Variants in ANAPC10 observed in about 807,000 individuals in gnomAD.
ANAPC10 encodes the protein anaphase promoting complex subunit 10, also known as anaphase-promoting complex subunit 10.
In ANAPC10, 12 loss-of-function variants were observed where a neutral mutation model predicts 22.0. The observed-to-expected ratio is 0.55, with a 90% CI of 0.35 to 0.88. The LOEUF is 0.88. ANAPC10 is among the 40% of genes least tolerant of loss of function. The pLI is 0.01. For synonymous variants in ANAPC10, 65 were observed against 69.5 expected (o/e 0.94, Z 0.32); for missense variants, 188 against 220.9 (o/e 0.85, Z 0.94).
At chr4:145,002,785 A>G (rs1732766067) in intron 4 of ANAPC10, among the ~76,000 whole-genome samples, 1 of 152,204 alleles carries the variant, frequency 6.6e-6, no homozygotes, top group South Asian at 2.1e-4. Flanking sequence ...AGTTACATAC[A>G]TATGTACATA....
chr4:145,059,129 G>A (rs995538391), intron 4 of ANAPC10, among the ~76,000 whole-genome samples: 2 of 151,954 alleles, frequency 1.3e-5, no homozygotes, highest in Non-Finnish European at 2.9e-5. Flanking sequence ...GTTTAAAATA[G>A]GCCCCTCATA....
At chr4:144,998,777 C>T (rs1732033399) in intron 4 of ANAPC10, among the ~76,000 whole-genome samples, 1 of 151,976 alleles carries the variant, frequency 6.6e-6, no homozygotes, top group Admixed American at 6.6e-5. Context: ...CAGAGCAGGA[C>T]TGAAGGAGAT....
At chr4:145,041,684 TAAG>T (rs1249509243) in intron 4 of ANAPC10, among the ~76,000 whole-genome samples, 3 of 152,210 alleles carry the variant, frequency 2.0e-5, no homozygotes, top group Non-Finnish European at 2.9e-5. Context: ...AGACAACTAA[TAAG>T]AAGCAAATTG....
At chr4:145,085,635 G>A (rs900145301) in intron 2 of ANAPC10, among the ~76,000 whole-genome samples, 1 of 151,940 alleles carries the variant, frequency 6.6e-6, no homozygotes, top group Non-Finnish European at 1.5e-5. Flanking sequence ...TTTAAAATTT[G>A]TCTCTAATTT....
At chr4:145,023,174 A>G (rs1161154323) in intron 4 of ANAPC10, among the ~76,000 whole-genome samples, 1 of 152,200 alleles carries the variant, frequency 6.6e-6, no homozygotes, top group Non-Finnish European at 1.5e-5. Flanking sequence ...AAAAGAAGCC[A>G]GACACAAAAG....
chr4:145,050,355 T>C (rs897405966), intron 4 of ANAPC10, among the ~76,000 whole-genome samples: 24 of 152,334 alleles, frequency 1.6e-4, no homozygotes, highest in African/African-American at 5.8e-4. Context: ...TGTGCTGTCA[T>C]CCAGGCTTTG....
chr4:145,007,672 A>ATT, intron 4 of ANAPC10, among the ~76,000 whole-genome samples: 1 of 152,308 alleles, frequency 6.6e-6, no homozygotes, highest in South Asian at 2.1e-4. Flanking sequence ...GGACACATTT[A>ATT]AAGCAGTGTG....
At chr4:145,068,546 A>G (rs1744033106) in intron 3 of ANAPC10, among the ~76,000 whole-genome samples, 1 of 152,242 alleles carries the variant, frequency 6.6e-6, no homozygotes, top group African/African-American at 2.4e-5. Flanking sequence ...AACACAGTCC[A>G]CATAGTTGTT....
intron 4 of ANAPC10, among the ~76,000 whole-genome samples, chr4:145,020,363 G>A (rs1277201891): frequency 2.0e-5 from 3 of 152,076 alleles, no homozygotes; most frequent in Non-Finnish European, 4.4e-5. Flanking sequence ...TGCAGAAAAA[G>A]CATTTGACAA....
Position 145,009,501 on chromosome 4 carries a change from C to T in ANAPC10, c.328-13898G>A, listed in dbSNP as rs189127400. Among the ~76,000 whole-genome samples, 534 of 152,146 alleles carry T rather than the reference C, an allele frequency of 3.5e-3. 2 individuals carry two copies. The highest frequency in any genetic ancestry group is 6.1e-3 in the Non-Finnish European group (415 of 68,012). ...GTAGACCAATGGAACAGAACAGAGGCCTCAGAAATAATACCACACATCTAC... is the reference window on the plus strand; with the variant it reads ...GTAGACCAATGGAACAGAACAGAGGTCTCAGAAATAATACCACACATCTAC... On this transcript the variant is annotated intron_variant, in intron 4 of 4. Transcript: ENST00000507656.
At chr4:145,081,349 T>C (rs1745989327) in intron 3 of ANAPC10, among the ~76,000 whole-genome samples, 1 of 152,104 alleles carries the variant, frequency 6.6e-6, no homozygotes, top group African/African-American at 2.4e-5. Context: ...AGGTATTGTA[T>C]TGGGCCATAA....
chr4:145,025,726 G>A (rs1560838482), intron 4 of ANAPC10, among the ~76,000 whole-genome samples: 1 of 152,176 alleles, frequency 6.6e-6, no homozygotes, highest in African/African-American at 2.4e-5. Flanking sequence ...CATAAAATGA[G>A]CACATGCTGC....
At chr4:145,063,665 T>C (rs919047580) in intron 4 of ANAPC10, among the ~76,000 whole-genome samples, 1 of 152,116 alleles carries the variant, frequency 6.6e-6, no homozygotes. Context: ...AATTATGTAG[T>C]TCAAAGTCAT....
chr4:145,050,457 G>T lies in ANAPC10; in HGVS notation c.327+14115C>A, dbSNP rs183595165. 4.2e-3 allele frequency among the ~76,000 whole-genome samples: 636 copies of T among 152,300 alleles called. 2 individuals are homozygous for T. Among genetic ancestry groups the T allele is most frequent in the African/African-American group, 0.014 (595 of 41,552 alleles). On this transcript the variant is annotated intron_variant, in intron 4 of 4. Transcript: ENST00000507656. Reference sequence around the variant, plus strand: ...GAATAGTGAGGGCTGCCTTCAACTTGAAGTCACTAGCTGCATCAGCCCCTA... The same window carrying T: ...GAATAGTGAGGGCTGCCTTCAACTTTAAGTCACTAGCTGCATCAGCCCCTA...
intron 2 of ANAPC10, among the ~76,000 whole-genome samples, chr4:145,092,509 A>G (rs1012969177): frequency 2.0e-5 from 3 of 152,196 alleles, no homozygotes; most frequent in African/African-American, 7.2e-5. Context: ...AAATAAATAC[A>G]TAAGAAGAAA....
At chr4:145,026,957 G>GTGTATATATATATATATATATATA (rs1343774253) in intron 4 of ANAPC10, among the ~76,000 whole-genome samples, 2 of 18,342 alleles carry the variant, frequency 1.1e-4, no homozygotes, top group African/African-American at 2.9e-4. Flanking sequence ...GTGTGTGTGT[G>GTGTATATATATATATATATATATA]TATATATATA....
At chr4:145,026,920 C>CATATATACATATATATAT (rs1203858529) in intron 4 of ANAPC10, among the ~76,000 whole-genome samples, 212 of 17,026 alleles carry the variant, frequency 0.012, 24 homozygotes, top group Middle Eastern at 0.038. Flanking sequence ...CCTATACATA[C>CATATATACATATATATAT]ATATATATAT....
At chr4:145,056,265 C>A (rs375440822) in intron 4 of ANAPC10, among the ~76,000 whole-genome samples, 3 of 152,176 alleles carry the variant, frequency 2.0e-5, no homozygotes, top group African/African-American at 4.8e-5. Context: ...ACGAGAGTGA[C>A]CTCTGGTAGT....
intron 4 of ANAPC10, among the ~76,000 whole-genome samples, chr4:145,047,131 GA>G (rs777129042): frequency 6.6e-6 from 1 of 152,018 alleles, no homozygotes; most frequent in Non-Finnish European, 1.5e-5. Context: ...CAGAGGCTCA[GA>G]AAAAACAGAG....
Sources: gnomAD v4.1 joint callset for allele counts (sites outside exome capture counted in the v4.1 genomes callset) on GRCh38, gnomAD v4.1.1 for gene constraint, MANE v1.5 for transcripts, NCBI Gene and HGNC (gene_info 2026-07-23, HGNC 2026-07-21) for gene names.